The following PLEKHA5 variants were observed in gnomAD, a reference collection of about 807,000 sequenced individuals.
PLEKHA5 encodes pleckstrin homology domain-containing family A member 5.
Under a neutral mutation model 181.9 loss-of-function variants are expected in PLEKHA5, and 55 were observed. That is an observed-to-expected ratio of 0.30 (90% CI 0.24 to 0.38). PLEKHA5 has a LOEUF of 0.38. Ranked by LOEUF, PLEKHA5 falls within the 10% of genes least tolerant of loss-of-function variation. PLEKHA5 has a pLI of 1.00. For missense variants in PLEKHA5, 1,432 were observed against 1,549.5 expected (o/e 0.92, Z 1.27); for synonymous variants, 535 against 529.4 (o/e 1.01, Z -0.15).
chr12:19,362,649 A>G (rs2095290487), intron 29 of PLEKHA5, among the ~76,000 whole-genome samples: 1 of 152,106 alleles, frequency 6.6e-6, no homozygotes, highest in Non-Finnish European at 1.5e-5. Context: ...AGTTCCAGCT[A>G]CTCAGGAAAC....
intron 5 of PLEKHA5, among the ~76,000 whole-genome samples, chr12:19,256,125 T>G (rs1051465580): frequency 2.0e-5 from 3 of 152,004 alleles, no homozygotes; most frequent in African/African-American, 7.2e-5. Context: ...ATGAAATCAG[T>G]TTTCGGGAAA....
intron 3 of PLEKHA5, among the ~76,000 whole-genome samples, chr12:19,240,797 A>C (rs1467709534): frequency 6.6e-6 from 1 of 151,980 alleles, no homozygotes; most frequent in Admixed American, 6.6e-5. Context: ...AATGACGAGA[A>C]TATTTCTGAT....
chr12:19,319,393 C>G (rs991007343), intron 16 of PLEKHA5, among the ~76,000 whole-genome samples: 1 of 152,078 alleles, frequency 6.6e-6, no homozygotes, highest in Non-Finnish European at 1.5e-5. Flanking sequence ...TCCTGATTCC[C>G]ACATTTCTAG....
chr12:19,283,871 G>C, intron 12 of PLEKHA5, 126 bp downstream of exon 12: 1 of 615,224 alleles, frequency 1.6e-6, no homozygotes, highest in South Asian at 2.2e-5. Flanking sequence ...GCTCTTTTTT[G>C]TTTTAAAAAA....
chr12:19,196,795 T>C (rs942086617), intron 3 of PLEKHA5, among the ~76,000 whole-genome samples: 7 of 116,186 alleles, frequency 6.0e-5, no homozygotes, highest in African/African-American at 8.6e-5. Flanking sequence ...TTTTAACTTG[T>C]TTTTTCTTTT....
At chr12:19,351,631 A>G (rs373545892) in intron 25 of PLEKHA5, among the ~76,000 whole-genome samples, 11 of 152,214 alleles carry the variant, frequency 7.2e-5, no homozygotes, top group Admixed American at 7.2e-4. Context: ...AGCCTGAACA[A>G]CACAGCAGGA....
At chr12:19,230,336 C>T (rs1464469340) in intron 3 of PLEKHA5, among the ~76,000 whole-genome samples, 2 of 152,182 alleles carry the variant, frequency 1.3e-5, no homozygotes, top group African/African-American at 4.8e-5. Flanking sequence ...GCGGACCTGC[C>T]CACCAGTCCC....
Position 19,369,640 on chromosome 12 carries a change from C to T in PLEKHA5, c.3755-53C>T. 4 of 1,112,874 alleles carry T rather than the reference C, an allele frequency of 3.6e-6. No individual in the cohort carries two copies. The South Asian group carries it at 5.4e-5, about 15-fold the overall frequency. 68.9% of individuals were successfully genotyped at this position (1,112,874 alleles called of 1,614,324 possible). On this transcript the variant is annotated intron_variant, in intron 30 of 31. Transcript: ENST00000429027. ...GATTACAGCATCAGGATTTACTTCT[C>T]CAAATGTGTCTTAAAGATTTTTATC... is the stretch of plus-strand genomic sequence containing the variant.
At chr12:19,259,388 T>A (rs1241072291) in intron 6 of PLEKHA5, among the ~76,000 whole-genome samples, 1 of 151,976 alleles carries the variant, frequency 6.6e-6, no homozygotes, top group Non-Finnish European at 1.5e-5. Flanking sequence ...GTGTTTATTT[T>A]GTAATATGTG....
chr12:19,250,836 C>G (rs963306658), intron 3 of PLEKHA5, among the ~76,000 whole-genome samples: 1 of 151,936 alleles, frequency 6.6e-6, no homozygotes, highest in African/African-American at 2.4e-5. Context: ...AAAAATATAG[C>G]ATGTGTGTCC....
At chr12:19,287,054 G>T (rs377287721) in intron 12 of PLEKHA5, among the ~76,000 whole-genome samples, 1 of 152,024 alleles carries the variant, frequency 6.6e-6, no homozygotes, top group South Asian at 2.1e-4. Context: ...CTGGAGTGCA[G>T]TGGTGCTATC....
chr12:19,283,567 A>T lies in PLEKHA5; in HGVS notation c.1601A>T (p.Lys534Ile). The T allele has an allele frequency of 6.2e-7, 1 of 1,614,140 alleles. No homozygotes were observed. The highest frequency in any genetic ancestry group is 8.5e-7 in the Non-Finnish European group (1 of 1,180,020). The change falls in exon 12 of 32, where the codon AAA becomes ATA. Residue 534 changes from lysine (K) to isoleucine (I), a missense_variant. Physicochemically the swap from Lys to Ile is moderately radical, Grantham distance 102. Transcript: ENST00000429027. The stretch of plus-strand genomic sequence containing the variant: ...CGACACAGTACTTTGAGTAGTCCCA[A>T]AACCATGGTAAATATTTCTGACCAG... The part of the protein sequence containing the change: ...LPRHSTLSSP[K>I]TMVNISDQTM...
At chr12:19,167,561 A>AT (rs1422550244) in intron 3 of PLEKHA5, among the ~76,000 whole-genome samples, 2 of 151,752 alleles carry the variant, frequency 1.3e-5, no homozygotes, top group African/African-American at 2.4e-5. Flanking sequence ...TGTTATCCAC[A>AT]TTTTTTTATC....
intron 3 of PLEKHA5, chr12:19,200,716 G>T: frequency 1.0e-6 from 1 of 994,978 alleles, no homozygotes; most frequent in Non-Finnish European, 1.2e-6. Flanking sequence ...ACCAAGGAAG[G>T]AATTTTGACA....
rs781431676 is a variant in PLEKHA5 at position 19,358,334 on chromosome 12, G to T, written c.3245G>T (p.Cys1082Phe). The T allele has an allele frequency of 6.2e-6, 10 of 1,613,530 alleles. No homozygotes were observed. The highest frequency in any genetic ancestry group is 8.5e-6 in the Non-Finnish European group (10 of 1,179,648). Residue 1082 changes from cysteine to phenylalanine, a missense_variant, in exon 27 of 32, where the codon TGC (cysteine) becomes TTC (phenylalanine). Cys to Phe is a radical substitution (Grantham distance 205). Coordinates refer to ENST00000429027, the MANE Select transcript of PLEKHA5 (RefSeq NM_001256470.2). ...MERIRRHQQACLREKKKGLNV... is the reference protein window; with the variant it reads ...MERIRRHQQAFLREKKKGLNV... ...AGAATAAGAAGACATCAACAAGCGT[G>T]CCTGAGGGAGAAGAAAAAAGGGTTA... is the stretch of plus-strand genomic sequence containing the variant.
intron 3 of PLEKHA5, among the ~76,000 whole-genome samples, chr12:19,249,898 G>A (rs776185170): frequency 2.4e-4 from 36 of 152,140 alleles, no homozygotes; most frequent in Admixed American, 6.5e-4. Flanking sequence ...TTATTCAGTC[G>A]AGTCAGTTAT....
chr12:19,246,626 A>C (rs1439336988), intron 3 of PLEKHA5, among the ~76,000 whole-genome samples: 1 of 151,922 alleles, frequency 6.6e-6, no homozygotes, highest in African/African-American at 2.4e-5. Flanking sequence ...AAAAAAAAAA[A>C]AAAACAATCT....
intron 21 of PLEKHA5, among the ~76,000 whole-genome samples, chr12:19,338,229 G>C (rs367848291): frequency 6.6e-6 from 1 of 151,998 alleles, no homozygotes; most frequent in Non-Finnish European, 1.5e-5. Flanking sequence ...TTGAATCAGG[G>C]TTTTGTTCTG....
intron 3 of PLEKHA5, among the ~76,000 whole-genome samples, chr12:19,203,400 C>A (rs1229701324): frequency 6.6e-6 from 1 of 151,992 alleles, no homozygotes; most frequent in African/African-American, 2.4e-5. Flanking sequence ...TCTTTCTTCC[C>A]ATTGTTGACA....
Sources: allele counts gnomAD v4.1 joint callset (sites outside exome capture counted in the v4.1 genomes callset), GRCh38; gene constraint gnomAD v4.1.1; transcripts MANE v1.5; gene names NCBI Gene and HGNC (gene_info 2026-07-23, HGNC 2026-07-21).